Variants in STK38 observed in about 807,000 individuals in gnomAD.
STK38 encodes the protein serine/threonine-protein kinase 38.
A neutral mutation model predicts 59.0 loss-of-function variants in STK38; 26 were observed. That is an observed-to-expected ratio of 0.44 (90% CI 0.32 to 0.61). The LOEUF is 0.61. Ranked by LOEUF, STK38 falls within the 20% of genes least tolerant of loss-of-function variation. The pLI, the probability that STK38 is intolerant of heterozygous loss-of-function variation, is 0.04. For synonymous variants in STK38, 175 were observed against 176.6 expected, an observed-to-expected ratio of 0.99 and a Z score of 0.07; for missense variants, 433 against 566.0, an observed-to-expected ratio of 0.76 and a Z score of 2.38.
rs577963750 is a variant in STK38 at position 36,500,088 on chromosome 6, C to T, written c.835-98G>A. On this transcript the variant is annotated intron_variant, in intron 9 of 13. Transcript: ENST00000229812. ...AGGCTATGAGTAACATCAGAAGCTA[C>T]CCCCAAGCTAAATAAGCAGGACTGC... The T allele has an allele frequency of 2.1e-5, 19 of 889,170 alleles. No individual in the cohort carries two copies. In the African/African-American group the frequency reaches 2.6e-4, roughly 12 times the overall value. 55.1% of individuals were successfully genotyped at this position (889,170 alleles called of 1,614,324 possible).
chr6:36,529,325 A>C (rs997741247), intron 2 of STK38, among the ~76,000 whole-genome samples: 1 of 152,220 alleles, frequency 6.6e-6, no homozygotes, highest in Non-Finnish European at 1.5e-5. Flanking sequence ...CAAAGCCCTA[A>C]AATTATTAAA....
chr6:36,495,640 C>A lies in STK38; in HGVS notation c.*144G>T. 1 of 1,068,462 alleles carries A rather than the reference C, an allele frequency of 9.4e-7. No homozygotes were observed. The highest frequency in any genetic ancestry group is 1.3e-6 in the Non-Finnish European group (1 of 769,210). The allele number at this position is 1,068,462 out of a possible 1,614,324, so 66.2% of individuals were successfully genotyped here. A position where few individuals can be genotyped will look rare whatever the true frequency, so the allele number is the denominator to read the frequency against. Reference sequence around the variant, plus strand: ...TTCAGATGCATTATGGAAGAAAATCCTCTTACTACCACATTTCAGGAGACT... The same window carrying A: ...TTCAGATGCATTATGGAAGAAAATCATCTTACTACCACATTTCAGGAGACT... On this transcript the variant is annotated 3_prime_UTR_variant, in exon 14 of 14. Transcript: ENST00000229812.
intron 7 of STK38, among the ~76,000 whole-genome samples, chr6:36,512,060 AAAAC>A (rs991752522): frequency 2.0e-5 from 3 of 152,216 alleles, no homozygotes; most frequent in African/African-American, 7.2e-5. Context: ...CTCCACCTCA[AAAAC>A]AAACAAACAA....
intron 5 of STK38, among the ~76,000 whole-genome samples, chr6:36,520,989 C>T (rs1212251455): frequency 2.0e-5 from 3 of 152,090 alleles, no homozygotes; most frequent in Admixed American, 6.6e-5. Flanking sequence ...AGGACATTTG[C>T]GGTCATCACC....
chr6:36,503,450 T>TGCGTGTG (rs560345828), intron 9 of STK38, among the ~76,000 whole-genome samples: 2 of 131,340 alleles, frequency 1.5e-5, no homozygotes, highest in African/African-American at 5.9e-5. Flanking sequence ...GTGTGTGTGT[T>TGCGTGTG]TGTGTGTGTA....
At position 36,525,388 on chromosome 6, in the gene STK38, T is replaced by A. The variant is rs940823690; in HGVS notation, c.183+203A>T. ...CTAAATCTAGTTTACTATAACTGCA[T>A]CTAGAGAAGCCTTCCTCTCCTAGGT... On this transcript the variant is annotated intron_variant, in intron 3 of 13. Coordinates refer to ENST00000229812, the MANE Select transcript of STK38 (RefSeq NM_007271.4). Among the ~76,000 whole-genome samples the A allele has an allele frequency of 4.8e-4, 73 of 152,186 alleles. 1 individual carries two copies. The highest frequency in any genetic ancestry group is 1.0e-4 in the Non-Finnish European group (7 of 68,036).
At chr6:36,542,046 G>T (rs1777951441) in intron 1 of STK38, among the ~76,000 whole-genome samples, 1 of 151,882 alleles carries the variant, frequency 6.6e-6, no homozygotes, top group Admixed American at 6.6e-5. Flanking sequence ...CACTGGTCAG[G>T]CTGGTCTCAA....
At chr6:36,529,363 G>T (rs1334757540) in intron 2 of STK38, among the ~76,000 whole-genome samples, 2 of 152,162 alleles carry the variant, frequency 1.3e-5, no homozygotes, top group African/African-American at 4.8e-5. Flanking sequence ...TTGAAACGGG[G>T]TCACTATATT....
chr6:36,495,909 T>G lies in STK38; in HGVS notation c.1273A>C (p.Thr425Pro), dbSNP rs375380153. The change falls in exon 14 of 14, where the codon ACA becomes CCA. Residue 425 changes from threonine (T) to proline (P), a missense_variant. Thr to Pro is a conservative substitution (Grantham distance 38). Around this residue, in one of 3 missense-constraint regions of STK38, gnomAD observed 136 missense variants for 156.7 expected, o/e 0.87. Transcript: ENST00000229812. ...TAGTCAGTCTCAGGATGATTACTTG[T>G]GGCCACTGGGAAAGAAATAGATGTG... ...ESDILKPTVA[T>P]SNHPETDYKN... 6.2e-7 allele frequency: 1 copy of G among 1,614,016 alleles called. No homozygotes were observed. The highest frequency in any genetic ancestry group is 8.5e-7 in the Non-Finnish European group (1 of 1,179,926).
At chr6:36,534,700 A>T (rs750302593) in intron 2 of STK38, among the ~76,000 whole-genome samples, 6 of 152,174 alleles carry the variant, frequency 3.9e-5, no homozygotes, top group African/African-American at 7.2e-5. Flanking sequence ...AACATAAGGA[A>T]ACTGCCTCAA....
chr6:36,527,554 A>T (rs1453759361), intron 2 of STK38, among the ~76,000 whole-genome samples: 2 of 143,194 alleles, frequency 1.4e-5, no homozygotes, highest in African/African-American at 5.1e-5. Context: ...CTCTGCCTCA[A>T]AGAAAAAAAA....
chr6:36,532,432 C>A (rs1341247136), intron 2 of STK38, among the ~76,000 whole-genome samples: 1 of 151,782 alleles, frequency 6.6e-6, no homozygotes, highest in Non-Finnish European at 1.5e-5. Context: ...GCCTGAAAGT[C>A]TTATTGAGCT....
rs542349932 is a variant in STK38, at chr6:36,525,574, T to G, written c.183+17A>C. ...GCCACGCTGGGTTTTAAGGAAAACA[T>G]TGCCAATATTAATTACCTCCTCATC... On this transcript the variant is annotated intron_variant, in intron 3 of 13. Transcript: ENST00000229812. 7 of 1,611,828 alleles carry G rather than the reference T, an allele frequency of 4.3e-6. No homozygotes were observed. In the Admixed American group the frequency reaches 8.3e-5, roughly 19 times the overall value.
chr6:36,529,550 C>G (rs1396445776), intron 2 of STK38, among the ~76,000 whole-genome samples: 1 of 152,190 alleles, frequency 6.6e-6, no homozygotes, highest in African/African-American at 2.4e-5. Flanking sequence ...AAGCCACTTT[C>G]ACACTTAGAG....
chr6:36,506,571 GAT>G lies in STK38; in HGVS notation c.834+10_834+11del. On this transcript the variant is annotated intron_variant, in intron 9 of 13. Coordinates refer to ENST00000229812, the MANE Select transcript of STK38 (RefSeq NM_007271.4). ...GGTTTGTAGCATTTCAGAAGCCACA[GAT>G]ATTACTTACTAGCTGACGTCTATTT... 6.2e-7 allele frequency: 1 copy of G among 1,611,454 alleles called. No individual in the cohort carries two copies. Among genetic ancestry groups the G allele is most frequent in the Non-Finnish European group, 8.5e-7 (1 of 1,179,252 alleles).
At chr6:36,539,369 G>A (rs1318112142) in intron 2 of STK38, among the ~76,000 whole-genome samples, 1 of 147,916 alleles carries the variant, frequency 6.8e-6, no homozygotes, top group Non-Finnish European at 1.5e-5. Flanking sequence ...CTGGGCAACA[G>A]AGTGAGATTC....
rs1349428677 is a variant in STK38, at chr6:36,518,111, G to C, written c.391-271C>G. Among the ~76,000 whole-genome samples, 3 of 152,300 alleles carry C rather than the reference G, an allele frequency of 2.0e-5. No individual in the cohort carries two copies. In the East Asian group the frequency reaches 5.8e-4, roughly 29 times the overall value. ...TAATGCAAATAGCAACTTTAACACT[G>C]CTATAAACTGAATCTCTGATTAGTT... On this transcript the variant is annotated intron_variant, in intron 5 of 13. Transcript: ENST00000229812.
chr6:36,544,703 C>A (rs1392486626), intron 1 of STK38, among the ~76,000 whole-genome samples: 1 of 151,988 alleles, frequency 6.6e-6, no homozygotes, highest in Non-Finnish European at 1.5e-5. Context: ...ACCCCCGTTG[C>A]TACAAAAAAA....
intron 1 of STK38, among the ~76,000 whole-genome samples, chr6:36,546,318 C>A (rs75688917): frequency 0.04 from 6,136 of 152,212 alleles, 273 homozygotes; most frequent in East Asian, 0.11. Context: ...TTTGCTATAG[C>A]GTTCTCTCCT....
Sources: allele counts gnomAD v4.1 joint callset (sites outside exome capture counted in the v4.1 genomes callset), GRCh38; gene constraint gnomAD v4.1.1; regional missense constraint gnomAD v4.1.1; transcripts MANE v1.5; gene names NCBI Gene and HGNC (gene_info 2026-07-23, HGNC 2026-07-21).